The following SIK3 variants were observed in gnomAD, a reference collection of about 807,000 sequenced individuals.
SIK3 encodes the protein serine/threonine-protein kinase SIK3.
A neutral mutation model predicts 144.2 loss-of-function variants in SIK3; 28 were observed. The ratio of observed to expected loss-of-function variants is 0.19; its 90% CI spans 0.14 to 0.27. The LOEUF (loss-of-function observed/expected upper bound fraction) is 0.27. Ranked by LOEUF, SIK3 falls within the 10% of genes least tolerant of loss-of-function variation. SIK3 has a pLI of 1.00. For synonymous variants in SIK3, 686 were observed against 676.3 expected, an observed-to-expected ratio of 1.01 and a Z score of -0.22; for missense variants, 1,319 against 1,776.0, an observed-to-expected ratio of 0.74 and a Z score of 4.62.
chr11:116,850,815 C>G (rs1028571687), intron 21 of SIK3, among the ~76,000 whole-genome samples: 2 of 152,152 alleles, frequency 1.3e-5, no homozygotes, highest in African/African-American at 2.4e-5. Context: ...TTGAGACCAG[C>G]CTGGCCAACA....
At position 116,844,625 on chromosome 11, in the gene SIK3, ATATAATATATTATAT is replaced by A. The variant is rs1565345342; in HGVS notation, c.*1003_*1017del. The A allele has an allele frequency of 5.6e-5, 2 of 35,420 alleles. No individual in the cohort carries two copies. The highest frequency in any genetic ancestry group is 6.2e-4 in the African/African-American group (2 of 3,234). 2.2% of individuals were successfully genotyped at this position (35,420 alleles called of 1,614,324 possible). A position where few individuals can be genotyped will look rare whatever the true frequency, so the allele number is the denominator to read the frequency against. On this transcript the variant is annotated 3_prime_UTR_variant, in exon 25 of 25. Coordinates refer to ENST00000445177, the MANE Select transcript of SIK3 (RefSeq NM_001366686.3). The stretch of plus-strand genomic sequence containing the variant: ...TATATATATTATATATATAATATAT[ATATAATATATTATAT>A]TATATATTATATATATAATATATAT...
chr11:116,849,511 CAG>C lies in SIK3; in HGVS notation c.3656-230_3656-229del, dbSNP rs1565354593. Among the ~76,000 whole-genome samples, 4 of 152,142 alleles carry C rather than the reference CAG, an allele frequency of 2.6e-5. No individual in the cohort carries two copies. Among genetic ancestry groups the C allele is most frequent in the Admixed American group, 2.0e-4 (3 of 15,282 alleles). ...CCCTTAGGGAAAAAATTCCACGTAACAGGGCATGGCTGGACCCCACCGAACCT... is the reference window on the plus strand; with the variant it reads ...CCCTTAGGGAAAAAATTCCACGTAACGGCATGGCTGGACCCCACCGAACCT... On this transcript the variant is annotated intron_variant, in intron 21 of 24. Transcript: ENST00000445177. This position sits in a 1 kb window ranked among gnomAD's most constrained non-coding sequence, Gnocchi z 4.2.
chr11:116,924,012 T>C (rs1022269299), intron 4 of SIK3, among the ~76,000 whole-genome samples: 4 of 152,212 alleles, frequency 2.6e-5, no homozygotes, highest in South Asian at 2.1e-4. Flanking sequence ...CCGGGCGTGG[T>C]GGCTCACGCC....
At chr11:117,058,291 G>A (rs1953632644) in intron 1 of SIK3, among the ~76,000 whole-genome samples, 1 of 152,148 alleles carries the variant, frequency 6.6e-6, no homozygotes. Flanking sequence ...GCAGGCTGAG[G>A]CAGGCAGATC....
At chr11:116,878,621 C>T (rs945477951) in intron 6 of SIK3, among the ~76,000 whole-genome samples, 1 of 152,172 alleles carries the variant, frequency 6.6e-6, no homozygotes, top group Non-Finnish European at 1.5e-5. Context: ...CTCAAGTGAT[C>T]CGCCTGCCTC....
chr11:116,924,937 T>C (rs1347250718), intron 4 of SIK3, among the ~76,000 whole-genome samples: 1 of 152,056 alleles, frequency 6.6e-6, no homozygotes, highest in African/African-American at 2.4e-5. Context: ...TCCCCCATAC[T>C]TGTGAATGTG....
At chr11:117,037,173 A>G (rs1051900816) in intron 1 of SIK3, among the ~76,000 whole-genome samples, 3 of 152,156 alleles carry the variant, frequency 2.0e-5, no homozygotes, top group Non-Finnish European at 2.9e-5. Context: ...TCTGCTGCAA[A>G]AAAGGGAAAA....
chr11:116,932,232 C>A (rs1947647153), intron 3 of SIK3, among the ~76,000 whole-genome samples: 2 of 152,178 alleles, frequency 1.3e-5, no homozygotes. Context: ...TAGGATTACT[C>A]CTCAAAAGAG....
intron 8 of SIK3, 62 bp downstream of exon 8, chr11:116,876,191 T>C (rs1162698578): frequency 3.9e-6 from 6 of 1,534,694 alleles, no homozygotes; most frequent in Non-Finnish European, 5.3e-6. Context: ...AGGCGAAAAA[T>C]GGAAAAAGCA....
chr11:117,054,415 G>T (rs1260135591), intron 1 of SIK3, among the ~76,000 whole-genome samples: 1 of 152,204 alleles, frequency 6.6e-6, no homozygotes, highest in East Asian at 1.9e-4. Flanking sequence ...GATGACTGTG[G>T]TGTAGTGGGC....
chr11:116,901,341 T>C (rs1945729874), intron 4 of SIK3, among the ~76,000 whole-genome samples: 1 of 152,218 alleles, frequency 6.6e-6, no homozygotes, highest in Non-Finnish European at 1.5e-5. Context: ...AATCCTCTTG[T>C]CACCTCCTGA....
rs764718140 is a variant in SIK3, at chr11:116,847,441, C to T, written c.3952+35G>A. 6 of 1,613,198 alleles carry T rather than the reference C, an allele frequency of 3.7e-6. No individual in the cohort carries two copies. The Admixed American group carries it at 1.0e-4, about 27-fold the overall frequency. ...AGATGGAGGGAGGCCCCTCCAGGAA[C>T]TTCTCTGGAGTGCCCCATGCATAAG... On this transcript the variant is annotated intron_variant, in intron 23 of 24. Coordinates refer to ENST00000445177, the MANE Select transcript of SIK3 (RefSeq NM_001366686.3).
At chr11:117,069,739 T>A (rs145538572) in intron 1 of SIK3, among the ~76,000 whole-genome samples, 1 of 152,288 alleles carries the variant, frequency 6.6e-6, no homozygotes, top group East Asian at 1.9e-4. Context: ...AATATTGAAG[T>A]TTGCCATTAC....
chr11:116,950,754 C>T (rs1948896733), intron 3 of SIK3, among the ~76,000 whole-genome samples: 1 of 152,144 alleles, frequency 6.6e-6, no homozygotes, highest in Admixed American at 6.5e-5. Context: ...ACTAAACTTG[C>T]AATTTTGTCT....
intron 4 of SIK3, among the ~76,000 whole-genome samples, chr11:116,925,249 G>C (rs1459273189): frequency 2.1e-5 from 3 of 142,812 alleles, no homozygotes; most frequent in Middle Eastern, 3.4e-3. Flanking sequence ...GCCCTGTCTC[G>C]AAAACAAAAA....
chr11:116,849,407 CT>C lies in SIK3; in HGVS notation c.3656-125del. ...CTGAGGAGATCATGTACACCAACCG[CT>C]GATCCTCAGCCGGCGTCATGGCTTA... is the stretch of plus-strand genomic sequence containing the variant. On this transcript the variant is annotated intron_variant, in intron 21 of 24. Transcript: ENST00000445177. The surrounding 1 kb of genome is among the most constrained non-coding windows in gnomAD (Gnocchi z 4.2). The C allele has an allele frequency of 8.5e-7, 1 of 1,172,306 alleles. No homozygotes were observed. Among genetic ancestry groups the C allele is most frequent in the South Asian group, 1.4e-5 (1 of 69,576 alleles). 72.6% of individuals were successfully genotyped at this position (1,172,306 alleles called of 1,614,324 possible).
chr11:117,015,928 T>C (rs547050257), intron 1 of SIK3: 1 of 152,268 alleles, frequency 6.6e-6, no homozygotes, highest in East Asian at 1.9e-4. Flanking sequence ...TTATCAGAAC[T>C]TATTAACTTT....
intron 1 of SIK3, among the ~76,000 whole-genome samples, chr11:116,975,920 G>A (rs547822880): frequency 2.6e-5 from 4 of 152,244 alleles, no homozygotes; most frequent in Middle Eastern, 3.4e-3. Flanking sequence ...TAGTGGATAC[G>A]TGGTATCTCA....
rs558740297 is a variant in SIK3 at position 117,039,119 on chromosome 11, G to A, written c.273+59024C>T. Among the ~76,000 whole-genome samples the A allele has an allele frequency of 8.5e-5, 13 of 152,120 alleles. No individual in the cohort carries two copies. The East Asian group carries it at 1.4e-3, about 16-fold the overall frequency. ...TAGATCAGAATCACCTCGGCTCTAC[G>A]TTGAGACTACTGTAATTCTTAGCAC... On this transcript the variant is annotated intron_variant, in intron 1 of 24. Transcript: ENST00000445177.
Sources: gnomAD v4.1 joint callset for allele counts (sites outside exome capture counted in the v4.1 genomes callset) on GRCh38, gnomAD v4.1.1 for gene constraint, Gnocchi (gnomAD v3.1) non-coding constraint, MANE v1.5 for transcripts, NCBI Gene and HGNC (gene_info 2026-07-23, HGNC 2026-07-21) for gene names.